The following ZNF610 variants were observed in gnomAD, a reference collection of about 807,000 sequenced individuals.
ZNF610 encodes the protein zink finger protein.
Under a neutral mutation model 14.1 loss-of-function variants are expected in ZNF610, and 14 were observed. The ratio of observed to expected loss-of-function variants is 0.99; its 90% CI spans 0.65 to 1.55. The LOEUF is 1.55. Ranked by LOEUF, ZNF610 falls within the 40% of genes most tolerant of loss-of-function variation. The pLI, the probability that ZNF610 is intolerant of heterozygous loss-of-function variation, is 0.00. For missense variants in ZNF610, 530 were observed against 558.0 expected (o/e 0.95, Z 0.51); for synonymous variants, 185 against 187.6 (o/e 0.99, Z 0.11).
At chr19:52,334,936 A>AACACACACACACACACACAC (rs559202600), upstream of ZNF610, among the ~76,000 whole-genome samples, 345 of 41,614 alleles carry the variant, frequency 8.3e-3, 3 homozygotes, top group African/African-American at 0.015. Flanking sequence ...CTCAAAAACA[A>AACACACACACACACACACAC]ACACACACAC....
At chr19:52,358,341 G>A (rs1188119776) in intron 5 of ZNF610, among the ~76,000 whole-genome samples, 1 of 152,106 alleles carries the variant, frequency 6.6e-6, no homozygotes, top group East Asian at 1.9e-4. Context: ...GCGCCACCAT[G>A]CCCAGCTAAT....
chr19:52,332,209 A>T (rs1252700981), upstream of ZNF610, among the ~76,000 whole-genome samples: 2 of 152,070 alleles, frequency 1.3e-5, no homozygotes, highest in Admixed American at 6.6e-5. The surrounding 1 kb of genome is among the most constrained non-coding windows in gnomAD (Gnocchi z 4.1). Flanking sequence ...AAGAAACATT[A>T]TTTGCAGTTG....
chr19:52,334,960 A>ACAG (rs59969071), upstream of ZNF610, among the ~76,000 whole-genome samples: 53 of 136,560 alleles, frequency 3.9e-4, 1 homozygote, highest in South Asian at 7.0e-4. Context: ...CACACACACA[A>ACAG]TGTAATTTAC....
At chr19:52,364,813 G>A (rs1294632487) in intron 5 of ZNF610, among the ~76,000 whole-genome samples, 1 of 152,106 alleles carries the variant, frequency 6.6e-6, no homozygotes, top group Non-Finnish European at 1.5e-5. Context: ...TCTGACCTCA[G>A]GTCATCAATC....
intron 1 of ZNF610, among the ~76,000 whole-genome samples, chr19:52,338,724 G>T (rs1461132953): frequency 1.3e-5 from 2 of 152,096 alleles, no homozygotes; most frequent in African/African-American, 2.4e-5. Context: ...CTTTGAGACG[G>T]AGTTTCGGTC....
In ZNF610 at chr19:52,366,299, T is replaced by G. The variant is rs1437512008; in HGVS notation, c.921T>G (p.Leu307=). ...FRECSGLTTH[L]VIHTGEKPYK... ...AGTGTTCGGGACTTACTACCCATCT[T>G]GTAATCCATACTGGAGAGAAACCTT... is the stretch of plus-strand genomic sequence containing the variant. The change falls in exon 6 of 6, where the codon CTT becomes CTG. Residue 307 remains leucine (L), a synonymous_variant. Coordinates refer to ENST00000403906, the MANE Select transcript of ZNF610 (RefSeq NM_001161425.2). 1 of 1,613,272 alleles carries G rather than the reference T, an allele frequency of 6.2e-7. No homozygotes were observed. The highest frequency in any genetic ancestry group is 1.7e-5 in the Admixed American group (1 of 59,982).
At chr19:52,343,125 A>G (rs111797865) in intron 1 of ZNF610, among the ~76,000 whole-genome samples, 21 of 152,132 alleles carry the variant, frequency 1.4e-4, no homozygotes, top group African/African-American at 4.6e-4. Flanking sequence ...CCAAACACGT[A>G]TCCCCAGCAG....
At chr19:52,338,022 T>TGAAC (rs1320922754) in intron 1 of ZNF610, among the ~76,000 whole-genome samples, 1 of 152,190 alleles carries the variant, frequency 6.6e-6, no homozygotes, top group Admixed American at 6.5e-5. Flanking sequence ...GTGTTGGGGA[T>TGAAC]TACTTCCCAC....
In ZNF610 at chr19:52,354,357, A is replaced by T. The variant is rs753380519; in HGVS notation, c.297A>T (p.Glu99Asp). 6.2e-7 allele frequency: 1 copy of T among 1,614,106 alleles called. No individual in the cohort carries two copies. Among genetic ancestry groups the T allele is most frequent in the Admixed American group, 1.7e-5 (1 of 60,006 alleles). ...TAGTAAAAAATACAGATGGAAGGGA[A>T]TGTGTCAGAAGCGTGAACACAGGTA... is the stretch of plus-strand genomic sequence containing the variant. ...VKIVKNTDGR[E>D]CVRSVNTGRS... The change falls in exon 5 of 6, where the codon GAA (glutamate) becomes GAT (aspartate). Residue 99 changes from glutamate (E) to aspartate (D), a missense_variant. Transcript: ENST00000403906.
At chr19:52,343,597 G>A (rs1984791109) in intron 1 of ZNF610, among the ~76,000 whole-genome samples, 1 of 152,050 alleles carries the variant, frequency 6.6e-6, no homozygotes, top group African/African-American at 2.4e-5. Context: ...AGTTAGGATG[G>A]AAATAGGCCT....
intron 2 of ZNF610, among the ~76,000 whole-genome samples, chr19:52,348,586 C>T (rs1189566882): frequency 6.6e-6 from 1 of 152,136 alleles, no homozygotes; most frequent in Non-Finnish European, 1.5e-5. Context: ...TTTTACTTAA[C>T]AGTATTCCCC....
intron 1 of ZNF610, among the ~76,000 whole-genome samples, chr19:52,340,946 G>T (rs538850083): frequency 2.6e-5 from 4 of 152,118 alleles, no homozygotes; most frequent in Non-Finnish European, 5.9e-5. Context: ...CTCCCAAAAT[G>T]CTGGGATTAC....
At chr19:52,338,614 G>C (rs914193654) in intron 1 of ZNF610, among the ~76,000 whole-genome samples, 8 of 152,188 alleles carry the variant, frequency 5.3e-5, no homozygotes, top group Non-Finnish European at 1.2e-4. Flanking sequence ...CCAAGAGGTG[G>C]AGGTTGCAGT....
At chr19:52,338,538 AGCTGCGCATGGTGGCGTGT>A (rs1205989349) in intron 1 of ZNF610, among the ~76,000 whole-genome samples, 4 of 152,136 alleles carry the variant, frequency 2.6e-5, no homozygotes, top group Admixed American at 1.3e-4. Context: ...TACAAAAATT[AGCTGCGCATGGTGGCGTGT>A]GCCTGTAATC....
rs1164364773 is a variant in ZNF610 at position 52,339,017 on chromosome 19, G to T, written c.-258+2511G>T. On this transcript the variant is annotated intron_variant, in intron 1 of 5. Coordinates refer to ENST00000403906, the MANE Select transcript of ZNF610 (RefSeq NM_001161425.2). ...TGTGGCAGGACAAAGGTAATAGTGG[G>T]GAGAGGGTCAGCAGGAAAACATACG... Among the ~76,000 whole-genome samples, 3 of 152,086 alleles carry T rather than the reference G, an allele frequency of 2.0e-5. No individual in the cohort carries two copies. In the South Asian group the frequency reaches 6.2e-4, roughly 32 times the overall value.
intron 3 of ZNF610, among the ~76,000 whole-genome samples, chr19:52,352,855 T>C (rs988474559): frequency 1.3e-5 from 2 of 152,184 alleles, no homozygotes; most frequent in Non-Finnish European, 2.9e-5. Flanking sequence ...TTGTTTGTTT[T>C]CCAATTTCAT....
intron 1 of ZNF610, among the ~76,000 whole-genome samples, chr19:52,345,914 C>T (rs1277134195): frequency 6.6e-6 from 1 of 151,026 alleles, no homozygotes; most frequent in Admixed American, 6.6e-5. Flanking sequence ...CCATGTTAGC[C>T]AGGATGGTCT....
At chr19:52,344,060 T>A (rs1600230728) in intron 1 of ZNF610, 1 of 152,138 alleles carries the variant, frequency 6.6e-6, no homozygotes, top group African/African-American at 2.4e-5. Flanking sequence ...TGGGGGCTGC[T>A]AAGGGGTGAT....
rs1221237622 is a variant in ZNF610, at chr19:52,336,329, G to C, written c.-435G>C. On this transcript the variant is annotated 5_prime_UTR_variant, in exon 1 of 6. Coordinates refer to ENST00000403906, the MANE Select transcript of ZNF610 (RefSeq NM_001161425.2). Reference sequence around the variant, plus strand: ...GTTTAGATTCAATCTGGGCTTCCCAGCTCCCCCGCGCTTCTGTACCCGGGA... The same window carrying C: ...GTTTAGATTCAATCTGGGCTTCCCACCTCCCCCGCGCTTCTGTACCCGGGA... The C allele has an allele frequency of 1.0e-5, 3 of 286,592 alleles. No homozygotes were observed. The highest frequency in any genetic ancestry group is 1.5e-4 in the East Asian group (1 of 6,478). 17.8% of individuals were successfully genotyped at this position (286,592 alleles called of 1,614,324 possible).
Sources: allele counts gnomAD v4.1 joint callset (sites outside exome capture counted in the v4.1 genomes callset), GRCh38; gene constraint gnomAD v4.1.1; non-coding constraint Gnocchi (gnomAD v3.1); transcripts MANE v1.5; gene names NCBI Gene and HGNC (gene_info 2026-07-23, HGNC 2026-07-21).